The following ARHGEF4 variants were observed in gnomAD, a reference collection of about 807,000 sequenced individuals.
ARHGEF4 encodes the protein APC-stimulated guanine nucleotide exchange factor 1.
Under a neutral mutation model 162.0 loss-of-function variants are expected in ARHGEF4, and 119 were observed. That is an observed-to-expected ratio of 0.73 (90% CI 0.63 to 0.86). The LOEUF (loss-of-function observed/expected upper bound fraction) is 0.86, where lower values mean the gene tolerates loss of function less well. Among genes scored for constraint, ARHGEF4 ranks in the 40% least tolerant of loss-of-function variants. ARHGEF4 has a pLI of 0.00. For missense variants in ARHGEF4, 2,488 were observed against 2,456.0 expected (o/e 1.01, Z -0.28); for synonymous variants, 1,014 against 979.9 (o/e 1.03, Z -0.65).
At chr2:130,840,807 A>G (rs1278761840) in intron 1 of ARHGEF4, among the ~76,000 whole-genome samples, 1 of 152,204 alleles carries the variant, frequency 6.6e-6, no homozygotes, top group Non-Finnish European at 1.5e-5. Flanking sequence ...GCTCAGAACC[A>G]GCCCTCAATG....
chr2:131,043,306 C>A, intron 10 of ARHGEF4, 146 bp from the exon 11 acceptor site: 1 of 1,084,154 alleles, frequency 9.2e-7, no homozygotes, highest in Non-Finnish European at 1.3e-6. Flanking sequence ...CGTGCCACCT[C>A]TTCCTCCCCC....
chr2:130,854,968 G>A (rs1681666437), intron 1 of ARHGEF4, among the ~76,000 whole-genome samples: 1 of 151,766 alleles, frequency 6.6e-6, no homozygotes, highest in African/African-American at 2.4e-5. Flanking sequence ...CTGCCTCCTG[G>A]GTTCACGCCA....
chr2:130,843,467 G>A (rs901742351), intron 1 of ARHGEF4, among the ~76,000 whole-genome samples: 4 of 152,170 alleles, frequency 2.6e-5, no homozygotes, highest in East Asian at 1.9e-4. Context: ...CAGGCCTTCC[G>A]TGCCTCCCCT....
chr2:130,968,878 AC>A (rs1685172294), intron 4 of ARHGEF4, among the ~76,000 whole-genome samples: 1 of 152,180 alleles, frequency 6.6e-6, no homozygotes, highest in African/African-American at 2.4e-5. Flanking sequence ...AGACTGCGCC[AC>A]TGCACTCCAG....
intron 4 of ARHGEF4, chr2:131,011,542 C>A: frequency 7.8e-7 from 1 of 1,286,034 alleles, no homozygotes; most frequent in Non-Finnish European, 1.1e-6. Context: ...AATATCAGGA[C>A]CTCAAGCATG....
chr2:131,041,156 C>T (rs1690783515), intron 8 of ARHGEF4, 74 bp from the exon 9 acceptor site: 7 of 1,425,124 alleles, frequency 4.9e-6, no homozygotes, highest in Non-Finnish European at 9.7e-7. Flanking sequence ...AGGCTCTTGC[C>T]CTTCCCACAC....
At chr2:130,864,059 G>A (rs1331194542) in intron 1 of ARHGEF4, among the ~76,000 whole-genome samples, 3 of 151,146 alleles carry the variant, frequency 2.0e-5, no homozygotes, top group South Asian at 4.2e-4. Flanking sequence ...GGTGGCGGGC[G>A]CCTGTAGTCC....
intron 4 of ARHGEF4, among the ~76,000 whole-genome samples, chr2:131,007,780 C>T (rs1011549694): frequency 9.9e-5 from 13 of 131,722 alleles, no homozygotes; most frequent in African/African-American, 3.4e-4. Flanking sequence ...AAATATAAAG[C>T]TAAATTATTC....
chr2:130,918,789 G>A (rs920350720), intron 2 of ARHGEF4, among the ~76,000 whole-genome samples: 1 of 152,184 alleles, frequency 6.6e-6, no homozygotes, highest in Non-Finnish European at 1.5e-5. Flanking sequence ...CAGTCTGTTT[G>A]TGTATCTCTA....
intron 12 of ARHGEF4, among the ~76,000 whole-genome samples, chr2:131,044,853 C>T (rs1046133925): frequency 2.6e-5 from 4 of 152,242 alleles, no homozygotes; most frequent in East Asian, 1.9e-4. Flanking sequence ...GGACGGGGTC[C>T]TCTGCGCAGT....
intron 11 of ARHGEF4, 106 bp from the exon 12 acceptor site, chr2:131,044,193 G>A (rs943141450): frequency 2.7e-6 from 4 of 1,483,258 alleles, no homozygotes; most frequent in Admixed American, 4.0e-5. Context: ...GGGAGGTGGA[G>A]GCATCACCAG....
chr2:130,896,794 A>G (rs1202504615), intron 1 of ARHGEF4, among the ~76,000 whole-genome samples: 1 of 152,224 alleles, frequency 6.6e-6, no homozygotes, highest in Admixed American at 6.5e-5. Context: ...CCTGGGCTGC[A>G]GACACCCTGA....
At chr2:130,845,177 A>G (rs933634972) in intron 1 of ARHGEF4, among the ~76,000 whole-genome samples, 5 of 151,090 alleles carry the variant, frequency 3.3e-5, no homozygotes, top group Admixed American at 6.6e-5. Flanking sequence ...AACTTGGCCA[A>G]GTGTGATGCT....
intron 1 of ARHGEF4, among the ~76,000 whole-genome samples, chr2:130,848,242 G>T (rs897112985): frequency 3.9e-5 from 6 of 152,194 alleles, no homozygotes; most frequent in African/African-American, 2.4e-5. Context: ...CGCCCACCCT[G>T]TGGGGCAGCA....
At chr2:130,962,917 C>G (rs1306351353) in intron 4 of ARHGEF4, among the ~76,000 whole-genome samples, 1 of 152,142 alleles carries the variant, frequency 6.6e-6, no homozygotes. Flanking sequence ...CACAGTTTTT[C>G]ACCTCCTGGA....
chr2:130,897,695 C>T (rs1680242501), intron 1 of ARHGEF4, among the ~76,000 whole-genome samples: 2 of 152,190 alleles, frequency 1.3e-5, no homozygotes, highest in African/African-American at 4.8e-5. Context: ...CATAAAATAC[C>T]GTGTGCTCTC....
intron 4 of ARHGEF4, among the ~76,000 whole-genome samples, chr2:130,948,298 A>G (rs1683744777): frequency 6.6e-6 from 1 of 152,252 alleles, no homozygotes; most frequent in Admixed American, 6.5e-5. Context: ...TTTAGGCTGC[A>G]CTGTGAAGTG....
intron 1 of ARHGEF4, among the ~76,000 whole-genome samples, chr2:130,847,597 C>T (rs1397526087): frequency 6.6e-6 from 1 of 152,224 alleles, no homozygotes; most frequent in Non-Finnish European, 1.5e-5. Flanking sequence ...GTGCTCAATG[C>T]TGTGGCCCCA....
At chr2:130,873,018 C>T (rs753347216) in intron 1 of ARHGEF4, among the ~76,000 whole-genome samples, 2 of 152,238 alleles carry the variant, frequency 1.3e-5, no homozygotes, top group African/African-American at 2.4e-5. Context: ...GCCTCTGAGT[C>T]AGGCAGCCAA....
Sources: allele counts gnomAD v4.1 joint callset (sites outside exome capture counted in the v4.1 genomes callset), GRCh38; gene constraint gnomAD v4.1.1; transcripts MANE v1.5; gene names NCBI Gene and HGNC (gene_info 2026-07-23, HGNC 2026-07-21).